KCTD5: variants seen among roughly 807,000 people sequenced by gnomAD.
KCTD5 encodes potassium channel tetramerization domain containing 5.
Under a neutral mutation model 27.9 loss-of-function variants are expected in KCTD5, and 12 were observed. The observed-to-expected ratio is 0.43, with a 90% CI of 0.28 to 0.70. The LOEUF (loss-of-function observed/expected upper bound fraction) is 0.70. Among genes scored for constraint, KCTD5 ranks in the 30% least tolerant of loss-of-function variants. KCTD5 has a pLI of 0.19. For synonymous variants in KCTD5, 147 were observed against 121.4 expected (o/e 1.21, Z -1.39); for missense variants, 226 against 274.8 (o/e 0.82, Z 1.26).
chr16:2,699,364 G>A (rs2067601231), intron 3 of KCTD5: 3 of 375,366 alleles, frequency 8.0e-6, no homozygotes, highest in Non-Finnish European at 1.6e-5. Context: ...CAGCCTTCGG[G>A]AGGCCCAAGT....
intron 5 of KCTD5, among the ~76,000 whole-genome samples, chr16:2,705,915 T>C (rs1425079733): frequency 3.3e-5 from 5 of 152,090 alleles, no homozygotes; most frequent in African/African-American, 1.2e-4. Flanking sequence ...CTGTTGGGGC[T>C]CCCGGATGCT....
chr16:2,700,186 C>T (rs1271262876), intron 4 of KCTD5, among the ~76,000 whole-genome samples: 1 of 152,180 alleles, frequency 6.6e-6, no homozygotes, highest in African/African-American at 2.4e-5. Context: ...GCTTTCTTCG[C>T]ATCATCTGGC....
intron 1 of KCTD5, chr16:2,685,515 C>A (rs542710881): frequency 6.7e-6 from 1 of 148,960 alleles, no homozygotes; most frequent in Admixed American, 6.6e-5. Context: ...AAGTGTAGTG[C>A]TAATTCATAT....
chr16:2,707,561 G>C lies in KCTD5; in HGVS notation c.*234G>C, dbSNP rs1043232652. On this transcript the variant is annotated 3_prime_UTR_variant, in exon 6 of 6. Transcript: ENST00000301738. ...GGCGGCCGGGTGGGCGCTGCCTCTT[G>C]GGGGGGCCTCGCTCTGTTTTTTCCA... The C allele has an allele frequency of 3.0e-5, 19 of 635,634 alleles. No homozygotes were observed. In the African/African-American group the frequency reaches 3.5e-4, roughly 12 times the overall value. 39.4% of individuals were successfully genotyped at this position (635,634 alleles called of 1,614,324 possible).
At chr16:2,690,471 G>A (rs947272012) in intron 1 of KCTD5, among the ~76,000 whole-genome samples, 7 of 152,264 alleles carry the variant, frequency 4.6e-5, no homozygotes, top group African/African-American at 1.4e-4. Context: ...TCAGTGAGAC[G>A]CGGGGAAGAT....
intron 3 of KCTD5, 65 bp downstream of exon 3, chr16:2,698,062 C>A: frequency 8.3e-7 from 1 of 1,203,888 alleles, no homozygotes; most frequent in South Asian, 1.3e-5. Flanking sequence ...CCCCTTTACT[C>A]CCCCGACCGG....
chr16:2,698,071 G>A (rs1403066027), intron 3 of KCTD5, 74 bp downstream of exon 3: 13 of 1,083,314 alleles, frequency 1.2e-5, no homozygotes, highest in Admixed American at 5.7e-5. Context: ...TCCCCCGACC[G>A]GCTGCCTCCC....
chr16:2,697,815 GGGGCAGGGGCAA>G, intron 2 of KCTD5, 79 bp from the exon 3 acceptor site: 2 of 898,098 alleles, frequency 2.2e-6, no homozygotes, highest in East Asian at 4.9e-5. Context: ...CCTCATTGCA[GGGGCAGGGGCAA>G]GGGCAGGGGT....
intron 5 of KCTD5, among the ~76,000 whole-genome samples, chr16:2,705,382 C>T (rs933526985): frequency 2.6e-5 from 4 of 152,074 alleles, no homozygotes; most frequent in South Asian, 2.1e-4. Context: ...AGTGTTGGGG[C>T]GTTTGTTGGG....
intron 3 of KCTD5, among the ~76,000 whole-genome samples, chr16:2,698,772 C>T (rs1439154695): frequency 6.6e-6 from 1 of 152,264 alleles, no homozygotes; most frequent in Non-Finnish European, 1.5e-5. Context: ...AGTTCCCCCT[C>T]CTGCTGGAGC....
At chr16:2,706,144 T>C (rs1383842754) in intron 5 of KCTD5, among the ~76,000 whole-genome samples, 1 of 152,106 alleles carries the variant, frequency 6.6e-6, no homozygotes, top group Non-Finnish European at 1.5e-5. Context: ...CTAGAAGTGG[T>C]CCAGGGCACT....
chr16:2,701,333 C>T (rs1050899394), intron 4 of KCTD5, among the ~76,000 whole-genome samples: 15 of 152,216 alleles, frequency 9.9e-5, no homozygotes, highest in Non-Finnish European at 1.8e-4. Flanking sequence ...CTGGGCTGAC[C>T]AGCTGTCCCG....
rs185811664 is a variant in KCTD5, at chr16:2,688,136, G to A, written c.252+5336G>A. Among the ~76,000 whole-genome samples the A allele has an allele frequency of 2.1e-4, 32 of 151,468 alleles. No individual in the cohort carries two copies. The East Asian group carries it at 6.2e-3, about 29-fold the overall frequency. On this transcript the variant is annotated intron_variant, in intron 1 of 5. Coordinates refer to ENST00000301738, the MANE Select transcript of KCTD5 (RefSeq NM_018992.4). ...ATGTGATGCCCCCGCCCCGTACCTG[G>A]TGCCAGGTCAGTGCAGTCAGGAGAG...
Position 2,682,778 on chromosome 16 carries a change from A to G in KCTD5, c.230A>G (p.Asp77Gly), listed in dbSNP as rs2067524046. The G allele has an allele frequency of 6.2e-7, 1 of 1,600,768 alleles. No individual in the cohort carries two copies. The highest frequency in any genetic ancestry group is 1.4e-5 in the African/African-American group (1 of 73,492). The change falls in exon 1 of 6, where the codon GAT becomes GGT. Residue 77 changes from aspartate to glycine, a missense_variant. Around this residue, in one of 2 missense-constraint regions of KCTD5, gnomAD observed 135 missense variants for 207.0 expected, o/e 0.65. Transcript: ENST00000301738. The part of the protein sequence containing the change: ...KSFLYRLCQA[D>G]PDLDSDKDET... Reference sequence around the variant, plus strand: ...TTCCTGTACCGCTTATGCCAGGCCGATCCCGACCTGGACTCAGACAAGGTG... The same window carrying G: ...TTCCTGTACCGCTTATGCCAGGCCGGTCCCGACCTGGACTCAGACAAGGTG...
At chr16:2,698,050 C>A in intron 3 of KCTD5, 53 bp downstream of exon 3, 1 of 1,283,912 alleles carries the variant, frequency 7.8e-7, no homozygotes, top group Non-Finnish European at 1.1e-6. Flanking sequence ...GAAGGAAGGG[C>A]TCCCCTTTAC....
Position 2,682,620 on chromosome 16 carries a change from G to A in KCTD5, c.72G>A (p.Leu24=), listed in dbSNP as rs749455936. ...TCGGGGCGGGGCTGGGGGGCGGCCTGTGCCGCCGCTGCAGCGCTGGGCTCG... is the reference window on the plus strand; with the variant it reads ...TCGGGGCGGGGCTGGGGGGCGGCCTATGCCGCCGCTGCAGCGCTGGGCTCG... ...GGIGAGLGGG[L]CRRCSAGLGA... Residue 24 remains leucine, a synonymous_variant, in exon 1 of 6, where the codon CTG becomes CTA. Transcript: ENST00000301738. The A allele has an allele frequency of 3.9e-6, 6 of 1,551,788 alleles. No individual in the cohort carries two copies. The highest frequency in any genetic ancestry group is 3.5e-5 in the South Asian group (3 of 84,514).
chr16:2,706,593 CAG>C (rs1368042408), intron 5 of KCTD5, among the ~76,000 whole-genome samples: 3 of 151,664 alleles, frequency 2.0e-5, no homozygotes, highest in Non-Finnish European at 2.9e-5. Flanking sequence ...GGGGTGGCCT[CAG>C]GGGGTTCCTG....
At chr16:2,698,573 C>T (rs1010389945) in intron 3 of KCTD5, among the ~76,000 whole-genome samples, 2 of 152,200 alleles carry the variant, frequency 1.3e-5, no homozygotes, top group East Asian at 1.9e-4. Flanking sequence ...GCATCAGTCC[C>T]GTCCCTGAGA....
At chr16:2,706,672 G>A (rs2067637676) in intron 5 of KCTD5, among the ~76,000 whole-genome samples, 1 of 152,062 alleles carries the variant, frequency 6.6e-6, no homozygotes, top group Non-Finnish European at 1.5e-5. Context: ...AGGGTGGGGA[G>A]GGCAGGGGGC....
Sources: allele counts gnomAD v4.1 joint callset (sites outside exome capture counted in the v4.1 genomes callset), GRCh38; gene constraint gnomAD v4.1.1; regional missense constraint gnomAD v4.1.1; transcripts MANE v1.5; gene names NCBI Gene and HGNC (gene_info 2026-07-23, HGNC 2026-07-21).